SSPN: variants seen among roughly 807,000 people sequenced by gnomAD.
SSPN encodes K-ras oncogene-associated protein.
In SSPN, 15 loss-of-function variants were observed where a neutral mutation model predicts 19.1. That is an observed-to-expected ratio of 0.78 (90% CI 0.52 to 1.21). The LOEUF (loss-of-function observed/expected upper bound fraction) is 1.21, where lower values mean the gene tolerates loss of function less well. Ranked by LOEUF, SSPN falls within the 50% of genes most tolerant of loss-of-function variation. SSPN has a pLI of 0.00. For synonymous variants in SSPN, 147 were observed against 140.3 expected (o/e 1.05, Z -0.34); for missense variants, 291 against 314.0 (o/e 0.93, Z 0.55).
In SSPN at chr12:26,179,830, T is replaced by G. The variant is rs551449585; in HGVS notation, c.-30-44463T>G. Among the ~76,000 whole-genome samples, 25 of 151,902 alleles carry G rather than the reference T, an allele frequency of 1.6e-4. No homozygotes were observed. In the South Asian group the frequency reaches 3.1e-3, roughly 19 times the overall value. On this transcript the variant is annotated intron_variant, in intron 1 of 2. Coordinates refer to the SSPN transcript ENST00000538142. Reference sequence around the variant, plus strand: ...AGTTTCTCTACAACCCTCACATATGTATACGGTGTTGCAGTATCTCTGATG... The same window carrying G: ...AGTTTCTCTACAACCCTCACATATGGATACGGTGTTGCAGTATCTCTGATG...
chr12:26,124,252 T>TTGGG, intron 1 of SSPN: 1 of 879,452 alleles, frequency 1.1e-6, no homozygotes, highest in Non-Finnish European at 1.8e-6. Context: ...TACCCTCGTC[T>TTGGG]GCCCCCCCCG....
intron 1 of SSPN, among the ~76,000 whole-genome samples, chr12:26,179,304 C>CA (rs1944703750): frequency 6.6e-6 from 1 of 152,162 alleles, no homozygotes; most frequent in Non-Finnish European, 1.5e-5. Context: ...GAGGGGCCAG[C>CA]AGGGCCATGC....
At chr12:26,226,044 G>A (rs1290923079) in intron 2 of SSPN, among the ~76,000 whole-genome samples, 1 of 151,696 alleles carries the variant, frequency 6.6e-6, no homozygotes, top group African/African-American at 2.4e-5. Context: ...TCCCCACTAG[G>A]AAGATCTCAT....
At chr12:26,130,103 A>T (rs751627640) in intron 1 of SSPN, among the ~76,000 whole-genome samples, 2 of 152,188 alleles carry the variant, frequency 1.3e-5, no homozygotes, top group Non-Finnish European at 2.9e-5. Context: ...GGAGGAGATG[A>T]CAACCCCATT....
intron 1 of SSPN, among the ~76,000 whole-genome samples, chr12:26,212,001 C>T (rs532509335): frequency 6.6e-6 from 1 of 152,268 alleles, no homozygotes; most frequent in South Asian, 2.1e-4. Context: ...TCACAAAGTA[C>T]TGGTGAATCC....
intron 1 of SSPN, chr12:26,122,965 C>A (rs199919168): frequency 1.3e-6 from 2 of 1,561,188 alleles, no homozygotes; most frequent in African/African-American, 2.7e-5. Flanking sequence ...CTCAGAGGGA[C>A]CTGTTGAGTC....
chr12:26,135,636 C>T (rs971085833), intron 1 of SSPN, among the ~76,000 whole-genome samples: 7 of 152,222 alleles, frequency 4.6e-5, no homozygotes, highest in African/African-American at 1.4e-4. Flanking sequence ...TCCTGGCACT[C>T]GTACTTGCAA....
intron 1 of SSPN, among the ~76,000 whole-genome samples, chr12:26,203,400 G>A (rs1327003382): frequency 6.6e-6 from 1 of 152,154 alleles, no homozygotes; most frequent in Non-Finnish European, 1.5e-5. Context: ...AAATGTTCAA[G>A]TCTAGGTTTA....
rs1407693238 is a variant in SSPN at position 26,122,474 on chromosome 12, G to A, written c.-31+322G>A. 7.4e-6 allele frequency: 10 copies of A among 1,345,790 alleles called. No individual in the cohort carries two copies. In the African/African-American group the frequency reaches 1.2e-4, roughly 17 times the overall value. The allele number at this position is 1,345,790 out of a possible 1,614,324, so 83.4% of individuals were successfully genotyped here. A position where few individuals can be genotyped will look rare whatever the true frequency, so the allele number is the denominator to read the frequency against. On this transcript the variant is annotated intron_variant, in intron 1 of 2. Transcript: ENST00000538142. ...GCGAGAGGAAGCAGAAGGGCAGGCA[G>A]AAGGGGGCCGCGGCGGCCGCGGGCT...
At chr12:26,127,466 C>T (rs1224180575) in intron 1 of SSPN, among the ~76,000 whole-genome samples, 1 of 152,144 alleles carries the variant, frequency 6.6e-6, no homozygotes, top group Non-Finnish European at 1.5e-5. Context: ...TCCTTTCTGC[C>T]CCAAGCTTCC....
At position 26,221,638 on chromosome 12, in the gene SSPN, G is replaced by A. The variant is rs183757013; in HGVS notation, c.280-2655G>A. Among the ~76,000 whole-genome samples the A allele has an allele frequency of 2.4e-4, 37 of 152,334 alleles. No homozygotes were observed. The South Asian group carries it at 3.3e-3, about 14-fold the overall frequency. ...AATTAGAAATTTTGTTCAAGTAGACGCACTGAATCAGATTTTTAAGGTGCT... is the reference window on the plus strand; with the variant it reads ...AATTAGAAATTTTGTTCAAGTAGACACACTGAATCAGATTTTTAAGGTGCT... On this transcript the variant is annotated intron_variant, in intron 1 of 2. Transcript: ENST00000242729.
At chr12:26,149,956 C>T (rs1432163736) in intron 1 of SSPN, among the ~76,000 whole-genome samples, 1 of 152,086 alleles carries the variant, frequency 6.6e-6, no homozygotes. Context: ...TGTACATGTA[C>T]ACATATACTC....
chr12:26,136,981 C>G (rs1229997957), intron 1 of SSPN, among the ~76,000 whole-genome samples: 7 of 152,184 alleles, frequency 4.6e-5, no homozygotes, highest in African/African-American at 1.7e-4. Flanking sequence ...AAGTTTCAAA[C>G]TTTGTTAGCT....
At chr12:26,207,080 G>A (rs1170697574) in intron 1 of SSPN, among the ~76,000 whole-genome samples, 3 of 152,090 alleles carry the variant, frequency 2.0e-5, no homozygotes, top group Non-Finnish European at 4.4e-5. Context: ...GAACCCTCAG[G>A]GTAAGATCAG....
At chr12:26,122,868 T>C (rs747057789) in intron 1 of SSPN, 1 of 1,560,598 alleles carries the variant, frequency 6.4e-7, no homozygotes, top group East Asian at 2.4e-5. Context: ...GGGCACGCAG[T>C]AGGCGAGGGG....
At chr12:26,207,208 T>A (rs898142433) in intron 1 of SSPN, among the ~76,000 whole-genome samples, 6 of 152,246 alleles carry the variant, frequency 3.9e-5, no homozygotes, top group Non-Finnish European at 5.9e-5. Context: ...TAATGATTTT[T>A]AAATTTTCAT....
intron 1 of SSPN, among the ~76,000 whole-genome samples, chr12:26,178,333 T>C (rs1323824294): frequency 6.6e-6 from 1 of 151,766 alleles, no homozygotes; most frequent in Non-Finnish European, 1.5e-5. Context: ...AGTGTTATTA[T>C]AAGGACTAAA....
intron 1 of SSPN, among the ~76,000 whole-genome samples, chr12:26,128,927 C>T (rs2137395175): frequency 6.6e-6 from 1 of 152,302 alleles, no homozygotes; most frequent in South Asian, 2.1e-4. Context: ...AAGTCCTGCA[C>T]TCATTATATT....
At chr12:26,136,440 G>A (rs1298353887) in intron 1 of SSPN, among the ~76,000 whole-genome samples, 6 of 152,174 alleles carry the variant, frequency 3.9e-5, no homozygotes, top group Non-Finnish European at 8.8e-5. Flanking sequence ...TGAATGAGTC[G>A]GTTATCTCAA....
Sources: gnomAD v4.1 joint callset for allele counts (sites outside exome capture counted in the v4.1 genomes callset) on GRCh38, gnomAD v4.1.1 for gene constraint, MANE v1.5 for transcripts, NCBI Gene and HGNC (gene_info 2026-07-23, HGNC 2026-07-21) for gene names.